The following ETHE1 variants were observed in gnomAD, a reference collection of about 807,000 sequenced individuals.
ETHE1 encodes ETHE1 persulfide dioxygenase.
In ETHE1, 16 loss-of-function variants were observed where a neutral mutation model predicts 25.7. The ratio of observed to expected loss-of-function variants is 0.62; its 90% CI spans 0.42 to 0.95. ETHE1 has a LOEUF of 0.95. Ranked by LOEUF, ETHE1 falls within the 40% of genes least tolerant of loss-of-function variation. The pLI is 0.00. For synonymous variants in ETHE1, 139 were observed against 135.9 expected, an observed-to-expected ratio of 1.02 and a Z score of -0.16; for missense variants, 300 against 333.6, an observed-to-expected ratio of 0.90 and a Z score of 0.79.
chr19:43,527,169 C>T lies in ETHE1; in HGVS notation c.9G>A (p.Glu3=), dbSNP rs773937760. The change falls in exon 1 of 7, where the codon GAG becomes GAA. Residue 3 remains glutamate, a synonymous_variant. Coordinates refer to ENST00000292147, the MANE Select transcript of ETHE1 (RefSeq NM_014297.5). The stretch of plus-strand genomic sequence containing the variant: ...GCCGCCGGGCGACCCTCAGTACAGC[C>T]TCCGCCATCGCGCCCACTGCGGGGT... MA[E]AVLRVARRQL... The T allele has an allele frequency of 5.4e-5, 83 of 1,540,028 alleles. No homozygotes were observed. Among genetic ancestry groups the T allele is most frequent in the Non-Finnish European group, 7.1e-5 (81 of 1,147,290 alleles).
chr19:43,522,648 A>G (rs1047842664), intron 3 of ETHE1, among the ~76,000 whole-genome samples: 1 of 151,950 alleles, frequency 6.6e-6, no homozygotes, highest in Non-Finnish European at 1.5e-5. Context: ...CGCCCAGCTT[A>G]TTTTGTATTT....
intron 3 of ETHE1, among the ~76,000 whole-genome samples, chr19:43,520,808 T>C (rs1972124107): frequency 6.6e-6 from 1 of 152,170 alleles, no homozygotes; most frequent in African/African-American, 2.4e-5. Context: ...GAGGAAGTAT[T>C]GAAACCCACA....
intron 5 of ETHE1, among the ~76,000 whole-genome samples, 191 bp downstream of exon 5, chr19:43,508,584 C>T (rs1290684356): frequency 1.3e-5 from 2 of 152,152 alleles, no homozygotes; most frequent in African/African-American, 4.8e-5. Flanking sequence ...CTCAAATGAG[C>T]CTCCTGCCTT....
intron 3 of ETHE1, 166 bp downstream of exon 3, chr19:43,526,035 G>C (rs1353514801): frequency 2.3e-5 from 23 of 996,168 alleles, no homozygotes; most frequent in Non-Finnish European, 3.1e-5. Context: ...GCCCCACCTG[G>C]GTTTATGGTG....
intron 3 of ETHE1, among the ~76,000 whole-genome samples, chr19:43,522,369 G>A (rs964773101): frequency 6.6e-6 from 1 of 152,128 alleles, no homozygotes; most frequent in East Asian, 1.9e-4. Context: ...AGGCTGCAAT[G>A]AGCTATGCTC....
chr19:43,508,249 A>G (rs947204368), intron 5 of ETHE1, among the ~76,000 whole-genome samples, 189 bp from the exon 6 acceptor site: 2 of 152,114 alleles, frequency 1.3e-5, no homozygotes, highest in African/African-American at 4.8e-5. Context: ...AAGCTCCACA[A>G]GTAAGGCCCA....
chr19:43,510,109 C>T (rs2145981744), intron 4 of ETHE1, among the ~76,000 whole-genome samples: 1 of 152,202 alleles, frequency 6.6e-6, no homozygotes, highest in Admixed American at 6.6e-5. Flanking sequence ...CTTTCCCTCT[C>T]ATCCAGCCTC....
chr19:43,514,485 C>CTTT (rs767043458), intron 3 of ETHE1, among the ~76,000 whole-genome samples: 18,083 of 113,040 alleles, frequency 0.16, 1,771 homozygotes, highest in Non-Finnish European at 0.19. Flanking sequence ...TTGGGTATGT[C>CTTT]TTTTTTTTTT....
chr19:43,513,704 A>G (rs2145989212), intron 3 of ETHE1, among the ~76,000 whole-genome samples: 1 of 150,750 alleles, frequency 6.6e-6, no homozygotes, highest in Admixed American at 6.6e-5. Flanking sequence ...GTCTCAGATG[A>G]GACTTTATTT....
chr19:43,508,402 T>C (rs887829842), intron 5 of ETHE1, among the ~76,000 whole-genome samples: 1 of 147,186 alleles, frequency 6.8e-6, no homozygotes, highest in Non-Finnish European at 1.5e-5. Flanking sequence ...GGCTGGAATA[T>C]AGTGGTACAA....
intron 6 of ETHE1, 137 bp from the exon 7 acceptor site, chr19:43,507,039 C>A: frequency 1.2e-6 from 1 of 846,024 alleles, no homozygotes; most frequent in Non-Finnish European, 1.9e-6. Flanking sequence ...TTCCCTCAGA[C>A]CCAGGAGTCC....
intron 3 of ETHE1, among the ~76,000 whole-genome samples, chr19:43,518,509 G>A (rs1972067577): frequency 1.3e-5 from 2 of 152,072 alleles, no homozygotes. Flanking sequence ...TACTTTGGGA[G>A]GCCGAGACGG....
Position 43,527,119 on chromosome 19 carries a change from C to T in ETHE1, c.59G>A (p.Gly20Glu). The T allele has an allele frequency of 6.4e-7, 1 of 1,555,924 alleles. No individual in the cohort carries two copies. Among genetic ancestry groups the T allele is most frequent in the Non-Finnish European group, 8.7e-7 (1 of 1,153,742 alleles). Reference protein sequence around the residue: ...RRQLSQRGGSGAPILLRQMFE... With the variant: ...RRQLSQRGGSEAPILLRQMFE... ...CACCTGCCGCAGGAGGATGGGGGCTCCAGACCCGCCGCGCTGGCTCAGCTG... is the reference window on the plus strand; with the variant it reads ...CACCTGCCGCAGGAGGATGGGGGCTTCAGACCCGCCGCGCTGGCTCAGCTG... The change falls in exon 1 of 7, where the codon GGA (glycine) becomes GAA (glutamate). Residue 20 changes from glycine to glutamate, a missense_variant. Gly to Glu is a moderately conservative substitution (Grantham distance 98). Transcript: ENST00000292147.
rs758313443 is a variant in ETHE1 at position 43,507,930 on chromosome 19, C to T, written c.712+14G>A. 6.2e-7 allele frequency: 1 copy of T among 1,612,818 alleles called. No individual in the cohort carries two copies. Among genetic ancestry groups the T allele is most frequent in the South Asian group, 1.1e-5 (1 of 90,732 alleles). ...CTCTCTCAGACCCAGAAGTCCAGGT[C>T]CCCAGCTGCTCACCTATCTGCTGAG... On this transcript the variant is annotated intron_variant, in intron 6 of 6. Transcript: ENST00000292147.
chr19:43,509,085 G>A (rs1487184480), intron 4 of ETHE1, among the ~76,000 whole-genome samples: 1 of 152,218 alleles, frequency 6.6e-6, no homozygotes, highest in Non-Finnish European at 1.5e-5. Flanking sequence ...CAGCATGGCT[G>A]TAAATAGGGT....
chr19:43,525,103 G>A (rs930329611), intron 3 of ETHE1, among the ~76,000 whole-genome samples: 5 of 148,678 alleles, frequency 3.4e-5, no homozygotes, highest in African/African-American at 1.2e-4. Context: ...TCCAGCCTAG[G>A]TGACAGAGAC....
intron 3 of ETHE1, among the ~76,000 whole-genome samples, chr19:43,513,919 A>G (rs1209747096): frequency 6.6e-6 from 1 of 151,906 alleles, no homozygotes; most frequent in African/African-American, 2.4e-5. Context: ...ACAGGGTTTT[A>G]TTATTTTGGG....
intron 3 of ETHE1, among the ~76,000 whole-genome samples, chr19:43,512,440 G>T (rs912396303): frequency 6.6e-6 from 1 of 152,130 alleles, no homozygotes; most frequent in Non-Finnish European, 1.5e-5. Flanking sequence ...CTGGGGTAAA[G>T]GTCACTTTTG....
At chr19:43,519,732 A>G (rs1972102346) in intron 3 of ETHE1, among the ~76,000 whole-genome samples, 1 of 152,058 alleles carries the variant, frequency 6.6e-6, no homozygotes, top group Non-Finnish European at 1.5e-5. Flanking sequence ...CTTTCCCTTC[A>G]TTACTCAAAA....
Sources: gnomAD v4.1 joint callset for allele counts (sites outside exome capture counted in the v4.1 genomes callset) on GRCh38, gnomAD v4.1.1 for gene constraint, MANE v1.5 for transcripts, NCBI Gene and HGNC (gene_info 2026-07-23, HGNC 2026-07-21) for gene names.